Variants in FAM3B observed in about 807,000 individuals in gnomAD.
The protein encoded by FAM3B is FAM3 metabolism regulating signaling molecule B.
FAM3B carries 29 observed loss-of-function variants against 28.4 expected under a neutral mutation model. The observed-to-expected ratio is 1.02, with a 90% CI of 0.76 to 1.39. FAM3B has a LOEUF of 1.39. Among genes scored for constraint, FAM3B ranks in the 40% most tolerant of loss-of-function variants. The pLI is 0.00. For synonymous variants in FAM3B, 91 were observed against 103.0 expected, an observed-to-expected ratio of 0.88 and a Z score of 0.71; for missense variants, 266 against 293.9, an observed-to-expected ratio of 0.91 and a Z score of 0.69.
intron 7 of FAM3B, among the ~76,000 whole-genome samples, chr21:41,351,766 C>T (rs993650573): frequency 1.1e-4 from 16 of 152,208 alleles, no homozygotes; most frequent in Admixed American, 9.8e-4. Flanking sequence ...CCTTTAATGA[C>T]CCCACTACCT....
intron 7 of FAM3B, among the ~76,000 whole-genome samples, chr21:41,355,298 T>C (rs1354435683): frequency 6.6e-6 from 1 of 152,222 alleles, no homozygotes; most frequent in African/African-American, 2.4e-5. Flanking sequence ...AGTGGCCCTA[T>C]GACCCAACAG....
chr21:41,328,997 C>T (rs543242379), intron 2 of FAM3B, among the ~76,000 whole-genome samples: 1 of 152,362 alleles, frequency 6.6e-6, no homozygotes, highest in East Asian at 1.9e-4. Context: ...TCACCCTGGT[C>T]ATGATAGCTT....
upstream of FAM3B, among the ~76,000 whole-genome samples, chr21:41,314,854 G>A (rs1313823876): frequency 6.6e-6 from 1 of 151,850 alleles, no homozygotes; most frequent in Non-Finnish European, 1.5e-5. Context: ...ATAAAATTGT[G>A]CAGCTATGGA....
In FAM3B at chr21:41,338,610, T is replaced by C. The variant is rs938597613; in HGVS notation, c.287+109T>C. On this transcript the variant is annotated intron_variant, in intron 3 of 7. Coordinates refer to ENST00000357985, the MANE Select transcript of FAM3B (RefSeq NM_058186.4). The stretch of plus-strand genomic sequence containing the variant: ...CCCACAGGAGAGAACCATATGTCGT[T>C]GGTCTCAGGCAAAAGGCTGAGAGCA... 2.1e-6 allele frequency: 3 copies of C among 1,449,204 alleles called. No homozygotes were observed. In the African/African-American group the frequency reaches 4.3e-5, roughly 21 times the overall value. 89.8% of individuals were successfully genotyped at this position (1,449,204 alleles called of 1,614,324 possible). A position where few individuals can be genotyped will look rare whatever the true frequency, so the allele number is the denominator to read the frequency against.
intron 3 of FAM3B, among the ~76,000 whole-genome samples, chr21:41,338,967 A>T (rs980670241): frequency 2.0e-5 from 3 of 152,216 alleles, no homozygotes; most frequent in African/African-American, 7.2e-5. Flanking sequence ...TACTTTGAAT[A>T]TGTGGCAAAG....
At chr21:41,327,110 T>A (rs1185681958) in intron 2 of FAM3B, among the ~76,000 whole-genome samples, 2 of 152,236 alleles carry the variant, frequency 1.3e-5, no homozygotes, top group East Asian at 3.9e-4. Context: ...AAAAGAAATA[T>A]TTAATGCATC....
rs532551172 is a variant in FAM3B at position 41,336,658 on chromosome 21, A to G, written c.164-1720A>G. Among the ~76,000 whole-genome samples the G allele has an allele frequency of 3.9e-4, 60 of 152,324 alleles. 1 individual carries two copies. The South Asian group carries it at 9.7e-3, about 25-fold the overall frequency. On this transcript the variant is annotated intron_variant, in intron 2 of 7. Coordinates refer to ENST00000357985, the MANE Select transcript of FAM3B (RefSeq NM_058186.4). ...AATTTTCTGCCTCGCTTACCTGTCT[A>G]TTGTTGAAAGTGGGGTATTGACATT...
chr21:41,351,029 G>GCA (rs2089115512), intron 7 of FAM3B, among the ~76,000 whole-genome samples: 4 of 151,018 alleles, frequency 2.6e-5, no homozygotes, highest in East Asian at 1.9e-4. Flanking sequence ...TACCAATGGT[G>GCA]CGGTTCTCCA....
At chr21:41,332,169 C>T (rs1390032384) in intron 2 of FAM3B, among the ~76,000 whole-genome samples, 1 of 152,184 alleles carries the variant, frequency 6.6e-6, no homozygotes, top group African/African-American at 2.4e-5. Flanking sequence ...CTCACTTGCT[C>T]CTGTTTTCAC....
intron 2 of FAM3B, among the ~76,000 whole-genome samples, chr21:41,334,720 C>T (rs1268757601): frequency 6.6e-6 from 1 of 152,230 alleles, no homozygotes; most frequent in East Asian, 1.9e-4. Context: ...CTAGTCCCCA[C>T]TGGAGCACTG....
rs181393661 is a variant in FAM3B at position 41,355,588 on chromosome 21, G to T, written c.619-1520G>T. On this transcript the variant is annotated intron_variant, in intron 7 of 7. Transcript: ENST00000357985. ...ACAAACAAACAAACAAACACAAAAG[G>T]TCACATATTATGTGATTCCATTTAT... Among the ~76,000 whole-genome samples the T allele has an allele frequency of 5.5e-5, 8 of 145,450 alleles. No individual in the cohort carries two copies. In the East Asian group the frequency reaches 1.7e-3, roughly 31 times the overall value.
In FAM3B at chr21:41,322,975, G is replaced by C; in HGVS notation, c.72G>C (p.Ser24=). 1 of 1,612,738 alleles carries C rather than the reference G, an allele frequency of 6.2e-7. No homozygotes were observed. The highest frequency in any genetic ancestry group is 8.5e-7 in the Non-Finnish European group (1 of 1,180,034). Residue 24 remains serine, a synonymous_variant, in exon 2 of 8, where the codon TCG becomes TCC. Transcript: ENST00000357985. ...TCGCCTCCTTGTGTGCCTGGTATTCGGGGTACCTGCTCGCAGAGCTCATTC... is the reference window on the plus strand; with the variant it reads ...TCGCCTCCTTGTGTGCCTGGTATTCCGGGTACCTGCTCGCAGAGCTCATTC... ...VVFASLCAWY[S]GYLLAELIPD... is the part of the protein sequence containing the mutation.
chr21:41,344,386 T>G (rs2089037200), intron 3 of FAM3B, 90 bp from the exon 4 acceptor site: 2 of 1,216,148 alleles, frequency 1.6e-6, no homozygotes, highest in Non-Finnish European at 1.2e-6. Flanking sequence ...GGACAGCAGA[T>G]GAGACTGACA....
chr21:41,316,919 G>A (rs1394830551), intron 1 of FAM3B, 21 bp downstream of exon 1: 7 of 1,351,206 alleles, frequency 5.2e-6, no homozygotes, highest in Non-Finnish European at 6.7e-6. Context: ...CCCCGCCTCG[G>A]GGCGAGGGTA....
intron 1 of FAM3B, among the ~76,000 whole-genome samples, chr21:41,306,125 C>T (rs758418495): frequency 1.3e-5 from 2 of 152,228 alleles, no homozygotes; most frequent in Non-Finnish European, 2.9e-5. Flanking sequence ...AGCAATTCCT[C>T]ATCGGTTCAA....
intron 4 of FAM3B, 61 bp downstream of exon 4, chr21:41,344,595 G>A (rs1302449738): frequency 2.0e-6 from 3 of 1,476,820 alleles, no homozygotes; most frequent in South Asian, 1.2e-5. Context: ...ATTTTCAAAG[G>A]TACCTTGGGT....
At chr21:41,315,405 G>A (rs887324241), upstream of FAM3B, among the ~76,000 whole-genome samples, 1 of 152,164 alleles carries the variant, frequency 6.6e-6, no homozygotes. Context: ...GATGGCTAAG[G>A]TGGTAATTTT....
Position 41,323,061 on chromosome 21 carries a change from T to A in FAM3B, c.158T>A (p.Leu53His). ...CGCAGCATCGGGGAGAGGCCTGTCC[T>A]CAAAGGTGAGTGCCGTGCTTGGGGC... ...SIRSIGERPV[L>H]KAPVPKRQKC... The change falls in exon 2 of 8, where the codon CTC (leucine) becomes CAC (histidine). Residue 53 changes from leucine (L) to histidine (H), a missense_variant. Transcript: ENST00000357985. 3 of 1,604,240 alleles carry A rather than the reference T, an allele frequency of 1.9e-6. No homozygotes were observed. Among genetic ancestry groups the A allele is most frequent in the Non-Finnish European group, 2.5e-6 (3 of 1,179,936 alleles).
intron 1 of FAM3B, among the ~76,000 whole-genome samples, chr21:41,321,695 T>C (rs2088807826): frequency 6.6e-6 from 1 of 152,220 alleles, no homozygotes; most frequent in Non-Finnish European, 1.5e-5. Flanking sequence ...TCTATCCCCA[T>C]GGCTCCCTCT....
Sources: allele counts gnomAD v4.1 joint callset (sites outside exome capture counted in the v4.1 genomes callset), GRCh38; gene constraint gnomAD v4.1.1; transcripts MANE v1.5; gene names NCBI Gene and HGNC (gene_info 2026-07-23, HGNC 2026-07-21).